The following CPAP variants were observed in gnomAD, a reference collection of about 807,000 sequenced individuals.
The protein encoded by CPAP is centrosome assembly and centriole elongation protein.
the CPAP span, among the ~76,000 whole-genome samples, chr13:24,890,480 G>A: frequency 2.0e-5 from 3 of 152,078 alleles, no homozygotes; most frequent in East Asian, 1.9e-4. Context: ...CTGGGCCCAC[G>A]CTGTCCTCAT....
the CPAP span, among the ~76,000 whole-genome samples, chr13:24,887,624 C>CT: frequency 1.3e-5 from 2 of 152,100 alleles, no homozygotes; most frequent in African/African-American, 4.8e-5. Flanking sequence ...CCCCCTGATT[C>CT]TACATTATGG....
chr13:24,882,393 T>G, the CPAP span: 3 of 152,060 alleles, frequency 2.0e-5, no homozygotes, highest in African/African-American at 7.2e-5. Flanking sequence ...TAGACCAATC[T>G]GTAATTATTT....
chr13:24,884,796 A>G, the CPAP span, among the ~76,000 whole-genome samples: 1 of 152,206 alleles, frequency 6.6e-6, no homozygotes, highest in Non-Finnish European at 1.5e-5. Context: ...CTCCAACCCT[A>G]TAATTTCAAT....
the CPAP span, among the ~76,000 whole-genome samples, chr13:24,890,246 A>G: frequency 6.6e-6 from 1 of 152,224 alleles, no homozygotes; most frequent in Non-Finnish European, 1.5e-5. Flanking sequence ...GGTTGAATCC[A>G]AGTGGATATC....
the CPAP span, chr13:24,923,024 G>T: frequency 1.3e-5 from 2 of 152,316 alleles, no homozygotes; most frequent in South Asian, 2.1e-4. Flanking sequence ...GACCAGCAGC[G>T]GGCCAGTGGT....
chr13:24,882,823 C>A, the CPAP span: 13 of 298,770 alleles, frequency 4.4e-5, no homozygotes, highest in Admixed American at 4.2e-4. Context: ...CAGTGCTCTA[C>A]GGCTGATGTG....
the CPAP span, among the ~76,000 whole-genome samples, chr13:24,894,913 C>T: frequency 1.3e-5 from 2 of 152,082 alleles, no homozygotes; most frequent in Non-Finnish European, 2.9e-5. Flanking sequence ...GGGAGAGGAG[C>T]CGGGAGGGGA....
the CPAP span, among the ~76,000 whole-genome samples, chr13:24,931,117 T>C: frequency 6.6e-6 from 1 of 152,142 alleles, no homozygotes; most frequent in Admixed American, 6.5e-5. Flanking sequence ...TCCCTATTTG[T>C]TTTTGAGACC....
chr13:24,894,637 TG>T, the CPAP span, among the ~76,000 whole-genome samples: 26 of 152,218 alleles, frequency 1.7e-4, no homozygotes, highest in Admixed American at 5.2e-4. Context: ...GCTGTGGGGT[TG>T]AGTGAGTTTT....
the CPAP span, among the ~76,000 whole-genome samples, chr13:24,915,326 G>C: frequency 6.6e-6 from 1 of 152,148 alleles, no homozygotes. Flanking sequence ...GTTGAATTCA[G>C]GACATTTTAA....
At chr13:24,927,846 A>G in the CPAP span, among the ~76,000 whole-genome samples, 8 of 152,196 alleles carry the variant, frequency 5.3e-5, no homozygotes, top group Non-Finnish European at 1.2e-4. Flanking sequence ...AAGAATACAC[A>G]GTTAACAGGC....
At chr13:24,933,245 T>G in the CPAP span, 4 of 841,370 alleles carry the variant, frequency 4.8e-6, no homozygotes, top group Non-Finnish European at 5.7e-6. Context: ...GAGAGTGAGC[T>G]ACTGGAAGCT....
At chr13:24,920,619 CTTTTTT>C in the CPAP span, among the ~76,000 whole-genome samples, 1 of 125,264 alleles carries the variant, frequency 8.0e-6, no homozygotes, top group Non-Finnish European at 1.6e-5. Flanking sequence ...AATATGATTC[CTTTTTT>C]TTTTTTTTTT....
chr13:24,919,737 G>C, the CPAP span, among the ~76,000 whole-genome samples: 2 of 149,918 alleles, frequency 1.3e-5, no homozygotes, highest in African/African-American at 4.9e-5. Context: ...TCTGACAGAA[G>C]AATTTTAGCT....
chr13:24,885,183 CAA>C, the CPAP span: 1 of 858,668 alleles, frequency 1.2e-6, no homozygotes, highest in Non-Finnish European at 1.9e-6. Context: ...GCATCTTGTC[CAA>C]AGAGCCCTTA....
chr13:24,930,681 T>C, the CPAP span, among the ~76,000 whole-genome samples: 1 of 152,248 alleles, frequency 6.6e-6, no homozygotes, highest in East Asian at 1.9e-4. Context: ...CCATGGTGCA[T>C]ATGTACCACA....
the CPAP span, among the ~76,000 whole-genome samples, chr13:24,913,581 A>G: frequency 6.6e-6 from 1 of 152,136 alleles, no homozygotes. Flanking sequence ...TCGTCTCCCT[A>G]CTAACACCTC....
the CPAP span, chr13:24,909,699 A>G: frequency 7.9e-7 from 1 of 1,258,848 alleles, no homozygotes; most frequent in Non-Finnish European, 1.1e-6. Context: ...CTCTGAAAAA[A>G]TAATTTTTAA....
chr13:24,917,867 G>A, the CPAP span, among the ~76,000 whole-genome samples: 1 of 152,148 alleles, frequency 6.6e-6, no homozygotes, highest in Non-Finnish European at 1.5e-5. Context: ...GTGAGAGAGA[G>A]GCTCTCTTTT....
Sources: gnomAD v4.1 joint callset for allele counts (sites outside exome capture counted in the v4.1 genomes callset) on GRCh38, gnomAD v4.1.1 for gene constraint, MANE v1.5 for transcripts, NCBI Gene and HGNC (gene_info 2026-07-23, HGNC 2026-07-21) for gene names.